The following CAPN2 variants were observed in gnomAD, a reference collection of about 807,000 sequenced individuals.
CAPN2 encodes the protein calpain-2 catalytic subunit.
In CAPN2, 92 loss-of-function variants were observed where a neutral mutation model predicts 102.3. That is an observed-to-expected ratio of 0.90 (90% CI 0.76 to 1.07). CAPN2 has a LOEUF of 1.07. Among genes scored for constraint, CAPN2 ranks in the 50% least tolerant of loss-of-function variants. CAPN2 has a pLI of 0.00. For missense variants in CAPN2, 800 were observed against 909.4 expected (o/e 0.88, Z 1.55); for synonymous variants, 340 against 355.4 (o/e 0.96, Z 0.49).
intron 20 of CAPN2, 146 bp from the exon 21 acceptor site, chr1:223,774,687 TA>T: frequency 1.5e-6 from 1 of 680,566 alleles, no homozygotes; most frequent in East Asian, 2.6e-5. Flanking sequence ...AGAAATCAGG[TA>T]AGAAAAATAT....
chr1:223,722,894 A>G (rs1456250682), intron 2 of CAPN2, among the ~76,000 whole-genome samples: 2 of 152,128 alleles, frequency 1.3e-5, no homozygotes, highest in Non-Finnish European at 1.5e-5. Context: ...CCCACGTTTC[A>G]TTTAGTTGCC....
At chr1:223,716,904 G>A (rs28370020) in intron 1 of CAPN2, among the ~76,000 whole-genome samples, 18,524 of 152,010 alleles carry the variant, frequency 0.12, 1,699 homozygotes, top group African/African-American at 0.23. Flanking sequence ...TTAGAGGCAG[G>A]GCAGGAGCAG....
chr1:223,775,563 C>T lies in CAPN2; in HGVS notation c.*706C>T, dbSNP rs1661597617. The T allele has an allele frequency of 6.6e-6, 1 of 152,590 alleles. No individual in the cohort carries two copies. Among genetic ancestry groups the T allele is most frequent in the African/African-American group, 2.4e-5 (1 of 41,450 alleles). 9.5% of individuals were successfully genotyped at this position (152,590 alleles called of 1,614,324 possible). A position where few individuals can be genotyped will look rare whatever the true frequency, so the allele number is the denominator to read the frequency against. ...GGGATCCTGCGCTTGATCAACTGAA[C>T]CAGTATGCCAAAACCAGGCATCCAA... On this transcript the variant is annotated 3_prime_UTR_variant, in exon 21 of 21. Transcript: ENST00000295006.
intron 16 of CAPN2, among the ~76,000 whole-genome samples, chr1:223,767,389 T>C (rs915072377): frequency 2.3e-5 from 3 of 130,408 alleles, no homozygotes; most frequent in African/African-American, 5.9e-5. Flanking sequence ...CCTTCCTGTG[T>C]CCATGTGTTC....
intron 8 of CAPN2, among the ~76,000 whole-genome samples, chr1:223,752,328 G>A (rs1660924157): frequency 6.6e-6 from 1 of 152,164 alleles, no homozygotes; most frequent in African/African-American, 2.4e-5. Context: ...GAATTCCTTT[G>A]GTAATGTTCA....
Position 223,774,964 on chromosome 1 carries a change from T to C in CAPN2, c.*107T>C. ...CTGGACCTCAAAATTATGGGAACAT[T>C]TACTTAAACGGATGATCATAGCTGA... is the stretch of plus-strand genomic sequence containing the variant. On this transcript the variant is annotated 3_prime_UTR_variant, in exon 21 of 21. Coordinates refer to ENST00000295006, the MANE Select transcript of CAPN2 (RefSeq NM_001748.5). 1.1e-6 allele frequency: 1 copy of C among 911,926 alleles called. No homozygotes were observed. The highest frequency in any genetic ancestry group is 1.8e-6 in the Non-Finnish European group (1 of 564,022). The allele number at this position is 911,926 out of a possible 1,614,324, so 56.5% of individuals were successfully genotyped here.
In CAPN2 at chr1:223,754,431, C is replaced by T. The variant is rs1660978477; in HGVS notation, c.1136-1049C>T. 6.6e-6 allele frequency among the ~76,000 whole-genome samples: 1 copy of T among 152,224 alleles called. No individual in the cohort carries two copies. The highest frequency in any genetic ancestry group is 1.5e-5 in the Non-Finnish European group (1 of 68,028). ...TAAATAATTTTGGCTTTGTGGGCCA[C>T]TCAGTCTCTATAACAACAACTCTAT... On this transcript the variant is annotated intron_variant, in intron 9 of 20. Coordinates refer to ENST00000295006, the MANE Select transcript of CAPN2 (RefSeq NM_001748.5). This position sits in a 1 kb window ranked among gnomAD's most constrained non-coding sequence, Gnocchi z 4.7.
rs150551571 is a variant in CAPN2, at chr1:223,770,462, A to G, written c.1840A>G (p.Ile614Val). ...TGTGTTCCAGAAAATTTACCGAGAA[A>G]TCGACGTTGACAGGTCTGGTACCAT... ...IQKYQKIYRE[I>V]DVDRSGTMNS... The change falls in exon 18 of 21, where the codon ATC (isoleucine) becomes GTC (valine). Residue 614 changes from isoleucine (I) to valine (V), a missense_variant. Coordinates refer to ENST00000295006, the MANE Select transcript of CAPN2 (RefSeq NM_001748.5). 2.5e-6 allele frequency: 4 copies of G among 1,613,502 alleles called. No homozygotes were observed. The African/African-American group carries it at 5.3e-5, about 22-fold the overall frequency.
chr1:223,774,435 A>C (rs1661560586), intron 20 of CAPN2, among the ~76,000 whole-genome samples: 1 of 152,188 alleles, frequency 6.6e-6, no homozygotes, highest in South Asian at 2.1e-4. Context: ...AGACCAGTTG[A>C]ATCAATCTGA....
intron 20 of CAPN2, among the ~76,000 whole-genome samples, chr1:223,774,189 G>T (rs936679336): frequency 6.8e-6 from 1 of 146,934 alleles, no homozygotes; most frequent in Non-Finnish European, 1.5e-5. Context: ...TGGCCTGCCT[G>T]CTCAGTCCAC....
rs1207042700 is a variant in CAPN2 at position 223,725,023 on chromosome 1, A to G, written c.307+7192A>G. On this transcript the variant is annotated intron_variant, in intron 2 of 20. Transcript: ENST00000295006. The surrounding 1 kb of genome is among the most constrained non-coding windows in gnomAD (Gnocchi z 4.1). ...AATAAACATCTGTAAATATCAGGGTAGCGAATGAGGACTTGGTGTCTGGCA... is the reference window on the plus strand; with the variant it reads ...AATAAACATCTGTAAATATCAGGGTGGCGAATGAGGACTTGGTGTCTGGCA... 2.0e-5 allele frequency among the ~76,000 whole-genome samples: 3 copies of G among 152,214 alleles called. No individual in the cohort carries two copies. The highest frequency in any genetic ancestry group is 1.3e-4 in the Admixed American group (2 of 15,280).
intron 2 of CAPN2, among the ~76,000 whole-genome samples, chr1:223,720,315 CTTTTTT>C (rs35138708): frequency 4.7e-5 from 5 of 107,492 alleles, no homozygotes; most frequent in African/African-American, 1.1e-4. Context: ...CTCTTTCTCT[CTTTTTT>C]TTTTTTTTTT....
At chr1:223,774,809 GA>G in intron 20 of CAPN2, 24 bp from the exon 21 acceptor site, 1 of 1,609,966 alleles carries the variant, frequency 6.2e-7, no homozygotes, top group Non-Finnish European at 8.5e-7. Context: ...TCACTGAGCT[GA>G]CTTTTTTTTT....
intron 1 of CAPN2, among the ~76,000 whole-genome samples, chr1:223,714,461 C>T (rs543162417): frequency 1.4e-4 from 22 of 152,108 alleles, no homozygotes; most frequent in Admixed American, 7.2e-4. Flanking sequence ...TTGTAATGTG[C>T]CTCAAATGAA....
At chr1:223,745,586 C>T (rs1264640956) in intron 4 of CAPN2, 147 bp downstream of exon 4, 6 of 765,662 alleles carry the variant, frequency 7.8e-6, no homozygotes, top group African/African-American at 6.8e-5. Context: ...GCCTGGCCAA[C>T]ATGATGAAAC....
At chr1:223,757,299 G>A (rs982705774) in intron 10 of CAPN2, 70 bp from the exon 11 acceptor site, 3 of 1,539,406 alleles carry the variant, frequency 1.9e-6, no homozygotes, top group Admixed American at 3.3e-5. Flanking sequence ...CAGCGGAAGA[G>A]AAGAGCACAG....
intron 13 of CAPN2, 126 bp from the exon 14 acceptor site, chr1:223,762,060 G>A (rs10159015): frequency 0.11 from 76,071 of 688,844 alleles, 4,642 homozygotes; most frequent in African/African-American, 0.21. Flanking sequence ...CCAAATCACC[G>A]TAGAATTTGG....
upstream of CAPN2, among the ~76,000 whole-genome samples, chr1:223,710,314 A>C (rs10916603): frequency 0.23 from 34,261 of 152,010 alleles, 4,623 homozygotes; most frequent in East Asian, 0.38. Flanking sequence ...ACAACAACAA[A>C]AACAATGAAA....
At position 223,759,469 on chromosome 1, in the gene CAPN2, A is replaced by G; in HGVS notation, c.1517A>G (p.Lys506Arg). Reference sequence around the variant, plus strand: ...TGCATCCGGGTCTTTTCTGAAAAGAAAGCTGACTACCAGTAGGCGGTTTGG... The same window carrying G: ...TGCATCCGGGTCTTTTCTGAAAAGAGAGCTGACTACCAGTAGGCGGTTTGG... ...DFCIRVFSEKKADYQAVDDEI... is the reference protein window; with the variant it reads ...DFCIRVFSEKRADYQAVDDEI... The change falls in exon 12 of 21, where the codon AAA becomes AGA. Residue 506 changes from lysine (K) to arginine (R), a missense_variant. Transcript: ENST00000295006. This position sits in a 1 kb window ranked among gnomAD's most constrained non-coding sequence, Gnocchi z 4.6. 1.2e-6 allele frequency: 2 copies of G among 1,613,962 alleles called. No homozygotes were observed. The highest frequency in any genetic ancestry group is 1.7e-6 in the Non-Finnish European group (2 of 1,180,002).
Sources: allele counts gnomAD v4.1 joint callset (sites outside exome capture counted in the v4.1 genomes callset), GRCh38; gene constraint gnomAD v4.1.1; non-coding constraint Gnocchi (gnomAD v3.1); transcripts MANE v1.5; gene names NCBI Gene and HGNC (gene_info 2026-07-23, HGNC 2026-07-21).